Variants in PTPRD observed in about 807,000 individuals in gnomAD.
PTPRD encodes receptor-type tyrosine-protein phosphatase delta.
PTPRD carries 34 observed loss-of-function variants against 214.5 expected under a neutral mutation model. That is an observed-to-expected ratio of 0.16 (90% CI 0.12 to 0.21). The LOEUF (loss-of-function observed/expected upper bound fraction) is 0.21, where lower values mean the gene tolerates loss of function less well. Among genes scored for constraint, PTPRD ranks in the 10% least tolerant of loss-of-function variants. The pLI, the probability that PTPRD is intolerant of heterozygous loss-of-function variation, is 1.00. For missense variants in PTPRD, 2,545 were observed against 2,398.7 expected (o/e 1.06, Z -1.27); for synonymous variants, 1,128 against 845.7 (o/e 1.33, Z -5.79).
chr9:9,368,350 T>C (rs993928216), intron 9 of PTPRD, among the ~76,000 whole-genome samples: 2 of 151,804 alleles, frequency 1.3e-5, no homozygotes, highest in Non-Finnish European at 2.9e-5. Flanking sequence ...AAATCGGGCA[T>C]AGGAAAAGAC....
intron 9 of PTPRD, among the ~76,000 whole-genome samples, chr9:9,299,125 T>C (rs1954259024): frequency 2.0e-5 from 3 of 151,716 alleles, no homozygotes; most frequent in African/African-American, 7.3e-5. Context: ...CTCCAGCAAA[T>C]ATAGGGAGGT....
At chr9:9,528,040 C>G (rs538096997) in intron 8 of PTPRD, among the ~76,000 whole-genome samples, 3 of 152,142 alleles carry the variant, frequency 2.0e-5, no homozygotes, top group African/African-American at 7.2e-5. Context: ...TAGGGCATTT[C>G]TAGGCAAGCA....
chr9:10,152,233 T>C (rs148542471), intron 3 of PTPRD, among the ~76,000 whole-genome samples: 64 of 152,330 alleles, frequency 4.2e-4, no homozygotes, highest in Middle Eastern at 3.4e-3. Flanking sequence ...TAACTATGTG[T>C]AGCTCTCTCA....
intron 9 of PTPRD, among the ~76,000 whole-genome samples, chr9:9,340,228 C>G (rs954346993): frequency 1.3e-5 from 2 of 152,062 alleles, no homozygotes; most frequent in African/African-American, 2.4e-5. Flanking sequence ...ATAAATGCCT[C>G]CCGTTTAAGA....
intron 3 of PTPRD, among the ~76,000 whole-genome samples, chr9:10,333,578 G>A (rs1189499830): frequency 6.6e-6 from 1 of 151,740 alleles, no homozygotes; most frequent in African/African-American, 2.4e-5. Flanking sequence ...ATATGGAAAG[G>A]CTAGAAGAAA....
At chr9:10,102,215 A>G (rs1353509741) in intron 3 of PTPRD, among the ~76,000 whole-genome samples, 1 of 151,662 alleles carries the variant, frequency 6.6e-6, no homozygotes. Context: ...TCATTTTATA[A>G]TATGCATTAT....
chr9:9,667,078 C>T (rs1430912357), intron 7 of PTPRD, among the ~76,000 whole-genome samples: 1 of 152,054 alleles, frequency 6.6e-6, no homozygotes, highest in Non-Finnish European at 1.5e-5. Context: ...AAGGTGGCTT[C>T]ACAATCTGAT....
intron 9 of PTPRD, among the ~76,000 whole-genome samples, chr9:9,235,309 C>A (rs146353537): frequency 6.6e-6 from 1 of 152,098 alleles, no homozygotes; most frequent in Non-Finnish European, 1.5e-5. Flanking sequence ...ATGGGAACTA[C>A]GATTCAAGAT....
rs1350959201 is a variant in PTPRD at position 9,838,884 on chromosome 9, A to G, written c.-367-72033T>C. On this transcript the variant is annotated intron_variant, in intron 5 of 45. Transcript: ENST00000381196. ...GGTAATGCCTAGGTTTTCTTCTAGGATTTTTATGGTTTTAGGTCTAATGTT... is the reference window on the plus strand; with the variant it reads ...GGTAATGCCTAGGTTTTCTTCTAGGGTTTTTATGGTTTTAGGTCTAATGTT... 5.3e-5 allele frequency among the ~76,000 whole-genome samples: 8 copies of G among 151,948 alleles called. No homozygotes were observed. In the East Asian group the frequency reaches 9.7e-4, roughly 18 times the overall value.
At chr9:9,965,913 G>A (rs906106227) in intron 4 of PTPRD, among the ~76,000 whole-genome samples, 2 of 152,186 alleles carry the variant, frequency 1.3e-5, no homozygotes, top group African/African-American at 2.4e-5. Flanking sequence ...TGAGCATGTT[G>A]TATGATTTAA....
chr9:9,332,712 A>G lies in PTPRD; in HGVS notation c.-203+64737T>C, dbSNP rs565620171. 1.4e-4 allele frequency among the ~76,000 whole-genome samples: 21 copies of G among 152,044 alleles called. 2 individuals are homozygous for G. In the South Asian group the frequency reaches 4.1e-3, roughly 30 times the overall value. On this transcript the variant is annotated intron_variant, in intron 9 of 45. Coordinates refer to ENST00000381196, the MANE Select transcript of PTPRD (RefSeq NM_002839.4). ...AAGTAATTGGTTCACAGCTGTGCTT[A>G]TACTGAGATGGAAATATGAAAATAC...
intron 2 of PTPRD, among the ~76,000 whole-genome samples, chr9:10,591,698 A>C (rs78977974): frequency 0.026 from 3,980 of 152,070 alleles, 180 homozygotes; most frequent in African/African-American, 0.09. Flanking sequence ...GCCTCATGGA[A>C]TTCTCATACT....
intron 4 of PTPRD, among the ~76,000 whole-genome samples, chr9:10,002,852 T>C (rs1418718081): frequency 6.6e-6 from 1 of 151,680 alleles, no homozygotes; most frequent in Non-Finnish European, 1.5e-5. Flanking sequence ...GTAGAAGATA[T>C]TTCATACACT....
At chr9:8,425,027 G>C (rs1354750969) in intron 35 of PTPRD, among the ~76,000 whole-genome samples, 1 of 152,160 alleles carries the variant, frequency 6.6e-6, no homozygotes, top group Non-Finnish European at 1.5e-5. Flanking sequence ...CACTCCCAAA[G>C]CATGGTGGTG....
intron 8 of PTPRD, among the ~76,000 whole-genome samples, chr9:9,403,290 C>CAAAA (rs56105335): frequency 0.019 from 1,171 of 60,212 alleles, 109 homozygotes; most frequent in East Asian, 0.064. Flanking sequence ...TACTCTGTCT[C>CAAAA]AAAAAAAAAA....
intron 36 of PTPRD, among the ~76,000 whole-genome samples, chr9:8,391,156 A>G (rs186537012): frequency 5.9e-4 from 90 of 152,030 alleles, no homozygotes; most frequent in African/African-American, 2.1e-3. Flanking sequence ...TTTTCTTTAT[A>G]ATGAAACATA....
At chr9:8,777,969 C>T (rs752585608) in intron 11 of PTPRD, among the ~76,000 whole-genome samples, 9 of 152,158 alleles carry the variant, frequency 5.9e-5, no homozygotes, top group Non-Finnish European at 1.0e-4. Context: ...ATCCACAGAG[C>T]GTCTTCCATA....
intron 12 of PTPRD, among the ~76,000 whole-genome samples, chr9:8,663,740 C>T (rs898330042): frequency 3.3e-5 from 5 of 152,112 alleles, no homozygotes; most frequent in African/African-American, 1.2e-4. Flanking sequence ...ATCTGCCCGC[C>T]TCGGCCTCCC....
At chr9:9,333,504 T>TTATATATATATATATATATATATA (rs3048057) in intron 9 of PTPRD, among the ~76,000 whole-genome samples, 6 of 137,230 alleles carry the variant, frequency 4.4e-5, no homozygotes, top group African/African-American at 1.7e-4. Flanking sequence ...ATATAGTATA[T>TTATATATATATATATATATATATA]TATATATATA....
Sources: allele counts gnomAD v4.1 joint callset (sites outside exome capture counted in the v4.1 genomes callset), GRCh38; gene constraint gnomAD v4.1.1; transcripts MANE v1.5; gene names NCBI Gene and HGNC (gene_info 2026-07-23, HGNC 2026-07-21).